Variants in PPFIA2 observed in about 807,000 individuals in gnomAD.
The protein encoded by PPFIA2 is PPFI scaffold protein A2, also known as liprin-alpha-2.
In PPFIA2, 46 loss-of-function variants were observed where a neutral mutation model predicts 175.5. That is an observed-to-expected ratio of 0.26 (90% CI 0.21 to 0.34). The LOEUF is 0.34. PPFIA2 is among the 10% of genes least tolerant of loss of function. The pLI is 1.00. For synonymous variants in PPFIA2, 568 were observed against 511.4 expected (o/e 1.11, Z -1.49); for missense variants, 1,179 against 1,506.1 (o/e 0.78, Z 3.60).
chr12:81,399,290 CAA>C (rs543794696), intron 8 of PPFIA2, among the ~76,000 whole-genome samples: 4,278 of 41,382 alleles, frequency 0.1, 27 homozygotes, highest in South Asian at 0.15. Flanking sequence ...TCCTTCTTCA[CAA>C]AAAAAAAAAA....
chr12:81,622,179 G>T (rs900136407), intron 4 of PPFIA2, among the ~76,000 whole-genome samples: 1 of 152,192 alleles, frequency 6.6e-6, no homozygotes, highest in African/African-American at 2.4e-5. Flanking sequence ...GAAAGAAGGT[G>T]ATGTTTCCCA....
At chr12:81,583,530 A>T (rs1394523783) in intron 4 of PPFIA2, among the ~76,000 whole-genome samples, 1 of 151,954 alleles carries the variant, frequency 6.6e-6, no homozygotes, top group Non-Finnish European at 1.5e-5. Flanking sequence ...AAGAATATTT[A>T]AAAATAAATA....
chr12:81,449,880 A>G (rs1593170659), intron 5 of PPFIA2, among the ~76,000 whole-genome samples: 2 of 150,088 alleles, frequency 1.3e-5, no homozygotes, highest in African/African-American at 4.9e-5. Context: ...ATGAGTGAAA[A>G]CATGCGGTGT....
chr12:81,266,789 G>A (rs1003970252), intron 30 of PPFIA2, among the ~76,000 whole-genome samples, 163 bp downstream of exon 30: 1 of 152,062 alleles, frequency 6.6e-6, no homozygotes, highest in Admixed American at 6.6e-5. Context: ...CCAAAATTAA[G>A]TAATAAGATT....
intron 8 of PPFIA2, among the ~76,000 whole-genome samples, chr12:81,392,396 G>C (rs2040295398): frequency 6.6e-6 from 1 of 151,822 alleles, no homozygotes; most frequent in African/African-American, 2.4e-5. Flanking sequence ...AAGGTGTCAG[G>C]CAAGCTATTG....
At chr12:81,308,177 T>C (rs1056859972) in intron 22 of PPFIA2, among the ~76,000 whole-genome samples, 7 of 152,230 alleles carry the variant, frequency 4.6e-5, no homozygotes, top group African/African-American at 1.7e-4. Context: ...CCTGTTCATC[T>C]GAACCAGTTC....
At chr12:81,580,580 A>T (rs2074255159) in intron 4 of PPFIA2, among the ~76,000 whole-genome samples, 5 of 151,420 alleles carry the variant, frequency 3.3e-5, no homozygotes. Context: ...ATTTTAAAAT[A>T]TTTTAAAACT....
rs78739513 is a variant in PPFIA2 at position 81,695,580 on chromosome 12, T to C, written c.250-18736A>G. Among the ~76,000 whole-genome samples, 1,043 of 152,292 alleles carry C rather than the reference T, an allele frequency of 6.8e-3. 9 individuals are homozygous for C. Among genetic ancestry groups the C allele is most frequent in the African/African-American group, 0.024 (992 of 41,580 alleles). The stretch of plus-strand genomic sequence containing the variant: ...GTGAGCCAATTAAACTTTTTTTCTT[T>C]GTAAATTACCCAGCCAGGTATTTCT... On this transcript the variant is annotated intron_variant, in intron 3 of 32. Coordinates refer to ENST00000549396, the MANE Select transcript of PPFIA2 (RefSeq NM_003625.5).
chr12:81,448,387 C>T lies in PPFIA2; in HGVS notation c.406-2667G>A, dbSNP rs143311112. Among the ~76,000 whole-genome samples, 618 of 152,294 alleles carry T rather than the reference C, an allele frequency of 4.1e-3. 4 individuals are homozygous for T. Among genetic ancestry groups the T allele is most frequent in the African/African-American group, 0.014 (576 of 41,564 alleles). On this transcript the variant is annotated intron_variant, in intron 5 of 32. Coordinates refer to ENST00000549396, the MANE Select transcript of PPFIA2 (RefSeq NM_003625.5). ...CATTTGTGTCCAAGACCTATAATCT[C>T]CCCCTGGATTATAATGGCTCCTTAA... is the stretch of plus-strand genomic sequence containing the variant.
chr12:81,669,701 T>A (rs1343713052), intron 4 of PPFIA2, among the ~76,000 whole-genome samples: 1 of 151,884 alleles, frequency 6.6e-6, no homozygotes, highest in East Asian at 1.9e-4. Context: ...TTACCAGTAA[T>A]AAACTTGTCT....
intron 4 of PPFIA2, among the ~76,000 whole-genome samples, chr12:81,660,609 T>A (rs1023819986): frequency 2.6e-5 from 4 of 152,204 alleles, no homozygotes; most frequent in South Asian, 2.1e-4. Context: ...AGGAACCAAG[T>A]TGGAAAACAC....
At chr12:81,699,414 G>T (rs2076249013) in intron 3 of PPFIA2, among the ~76,000 whole-genome samples, 1 of 151,470 alleles carries the variant, frequency 6.6e-6, no homozygotes, top group African/African-American at 2.4e-5. Flanking sequence ...TTAGTATAAA[G>T]GTTTTTTCAC....
intron 4 of PPFIA2, among the ~76,000 whole-genome samples, chr12:81,537,634 C>T (rs1249705844): frequency 6.6e-6 from 1 of 151,748 alleles, no homozygotes; most frequent in African/African-American, 2.4e-5. Context: ...CTCTACAGAC[C>T]ACGTATTCTA....
rs2061360206 is a variant in PPFIA2, at chr12:81,615,581, G to A, written c.303+61210C>T. ...GAGCAGTGTGAACTAAATTGCTCAC[G>A]TTAATCCAGTAATTAACCTGAATAT... On this transcript the variant is annotated intron_variant, in intron 4 of 32. Coordinates refer to ENST00000549396, the MANE Select transcript of PPFIA2 (RefSeq NM_003625.5). Among the ~76,000 whole-genome samples, 2 of 152,248 alleles carry A rather than the reference G, an allele frequency of 1.3e-5. 1 individual carries two copies. The highest frequency in any genetic ancestry group is 2.9e-5 in the Non-Finnish European group (2 of 68,018).
intron 3 of PPFIA2, among the ~76,000 whole-genome samples, chr12:81,710,259 A>T (rs2077714662): frequency 1.3e-5 from 2 of 151,944 alleles, no homozygotes; most frequent in African/African-American, 4.8e-5. Flanking sequence ...ATTAACTTTA[A>T]AAATGGGCAC....
At chr12:81,555,839 A>G (rs1473697055) in intron 4 of PPFIA2, among the ~76,000 whole-genome samples, 7 of 151,938 alleles carry the variant, frequency 4.6e-5, no homozygotes, top group Non-Finnish European at 1.0e-4. Context: ...TATTACTGCT[A>G]TGCTTCTTCT....
intron 4 of PPFIA2, among the ~76,000 whole-genome samples, chr12:81,655,466 ACTGC>A (rs1842425459): frequency 6.6e-6 from 1 of 151,798 alleles, no homozygotes; most frequent in South Asian, 2.1e-4. Context: ...TTGGGTTTTA[ACTGC>A]CTTCCACATG....
At position 81,754,105 on chromosome 12, in the gene PPFIA2, T is replaced by G. The variant is rs1487881054; in HGVS notation, c.117A>C (p.Leu39=). 1 of 1,613,898 alleles carries G rather than the reference T, an allele frequency of 6.2e-7. No homozygotes were observed. The highest frequency in any genetic ancestry group is 1.7e-5 in the Admixed American group (1 of 60,008). The change falls in exon 3 of 33, where the codon CTA becomes CTC. Residue 39 remains leucine, a synonymous_variant. Coordinates refer to ENST00000549396, the MANE Select transcript of PPFIA2 (RefSeq NM_003625.5). ...TGTCTAGAAGACGATCCCTTTCATC[T>G]AGCATATTCACCATCAGCTGCTCAA... The part of the protein sequence containing the change: ...SHFEQLMVNM[L]DERDRLLDTL...
intron 4 of PPFIA2, among the ~76,000 whole-genome samples, chr12:81,620,159 CAAAAAAAAAAA>C (rs376856927): frequency 3.7e-5 from 2 of 54,602 alleles, no homozygotes; most frequent in East Asian, 6.7e-4. Flanking sequence ...CACTCCTTCT[CAAAAAAAAAAA>C]AAAAAAAAAA....
Sources: allele counts gnomAD v4.1 joint callset (sites outside exome capture counted in the v4.1 genomes callset), GRCh38; gene constraint gnomAD v4.1.1; transcripts MANE v1.5; gene names NCBI Gene and HGNC (gene_info 2026-07-23, HGNC 2026-07-21).